Variants in BARD1 observed in about 807,000 individuals in gnomAD.
BARD1 encodes the protein BRCA1-associated RING domain protein 1.
A neutral mutation model predicts 77.0 loss-of-function variants in BARD1; 73 were observed. That is an observed-to-expected ratio of 0.95 (90% CI 0.79 to 1.15). BARD1 has a LOEUF of 1.15. BARD1 is among the 50% of genes most tolerant of loss of function. The probability of loss-of-function intolerance (pLI) is 0.00; values close to 1 mark genes in which losing one functional copy is unlikely to be tolerated. For synonymous variants in BARD1, 384 were observed against 338.0 expected, an observed-to-expected ratio of 1.14 and a Z score of -1.49; for missense variants, 993 against 938.8, an observed-to-expected ratio of 1.06 and a Z score of -0.75.
Position 214,728,864 on chromosome 2 carries a change from TCTG to T in BARD1, c.2143_2145del (p.Gln715del). The T allele has an allele frequency of 6.2e-7, 1 of 1,614,198 alleles. No individual in the cohort carries two copies. On this transcript the variant is annotated inframe_deletion, in exon 11 of 11. Transcript: ENST00000260947. ...GCATGGTATGCGACTGTATTGATGG[TCTG>T]AGTCACGTCACTGTCTGGCTTGGGC...
chr2:214,749,533 C>A (rs1693302340), intron 7 of BARD1, among the ~76,000 whole-genome samples: 1 of 152,158 alleles, frequency 6.6e-6, no homozygotes, highest in South Asian at 2.1e-4. Flanking sequence ...CTGCCACCCC[C>A]AGACTCCAAG....
intron 4 of BARD1, among the ~76,000 whole-genome samples, chr2:214,771,192 C>CAAAAATATCTAAGTCCATGAA (rs1694468236): frequency 1.3e-5 from 2 of 152,156 alleles, no homozygotes; most frequent in Non-Finnish European, 2.9e-5. Flanking sequence ...AAGTCCATGA[C>CAAAAATATCTAAGTCCATGAA]GATAAAGCAA....
intron 4 of BARD1, among the ~76,000 whole-genome samples, chr2:214,777,170 C>G (rs1359694786): frequency 2.0e-5 from 3 of 152,084 alleles, no homozygotes. Context: ...ATTTGCATTG[C>G]TTTGAATCAC....
chr2:214,783,288 A>T (rs1695125255), intron 3 of BARD1, among the ~76,000 whole-genome samples: 1 of 152,194 alleles, frequency 6.6e-6, no homozygotes, highest in South Asian at 2.1e-4. Flanking sequence ...AAGGAATTAA[A>T]GGATGGCCAG....
chr2:214,771,943 A>AAAAAAAAAAAAAATG, intron 4 of BARD1, among the ~76,000 whole-genome samples: 1 of 143,418 alleles, frequency 7.0e-6, no homozygotes, highest in African/African-American at 2.7e-5. Context: ...AAAAAAAAAA[A>AAAAAAAAAAAAAATG]GCAACATTTT....
intron 1 of BARD1, among the ~76,000 whole-genome samples, chr2:214,802,137 T>C (rs1696053492): frequency 6.6e-6 from 1 of 152,210 alleles, no homozygotes; most frequent in Admixed American, 6.5e-5. Flanking sequence ...AGCTTTATTA[T>C]CCTGCAAATG....
intron 6 of BARD1, among the ~76,000 whole-genome samples, chr2:214,760,445 G>A (rs1056548310): frequency 1.6e-4 from 24 of 152,114 alleles, no homozygotes; most frequent in Non-Finnish European, 3.1e-4. Context: ...CACCCGCCTC[G>A]GCCTCCCAAA....
chr2:214,745,627 G>A, intron 8 of BARD1, 95 bp downstream of exon 8: 2 of 1,502,206 alleles, frequency 1.3e-6, no homozygotes, highest in Admixed American at 3.3e-5. Context: ...TCTCCCAATG[G>A]TTAAAACATA....
intron 1 of BARD1, among the ~76,000 whole-genome samples, chr2:214,799,445 T>C (rs184678619): frequency 1.7e-3 from 265 of 152,344 alleles, no homozygotes; most frequent in Admixed American, 4.5e-3. Context: ...ATCTCTATGC[T>C]TCCTCATCTC....
At chr2:214,802,956 G>C (rs189263843) in intron 1 of BARD1, among the ~76,000 whole-genome samples, 2 of 152,278 alleles carry the variant, frequency 1.3e-5, no homozygotes, top group Admixed American at 1.3e-4. Flanking sequence ...AGACATAGGA[G>C]ACTCCATTTT....
intron 9 of BARD1, among the ~76,000 whole-genome samples, chr2:214,736,072 T>C (rs1203943111): frequency 6.6e-6 from 1 of 152,084 alleles, no homozygotes; most frequent in East Asian, 1.9e-4. Flanking sequence ...TTATCATAAA[T>C]GTGCTTTGAA....
chr2:214,747,346 C>T (rs1310198201), intron 7 of BARD1, among the ~76,000 whole-genome samples: 1 of 144,022 alleles, frequency 6.9e-6, no homozygotes, highest in South Asian at 2.3e-4. Context: ...CCCAGCCATC[C>T]CATTACTGGG....
chr2:214,770,568 T>C (rs1351631354), intron 4 of BARD1, among the ~76,000 whole-genome samples: 1 of 152,220 alleles, frequency 6.6e-6, no homozygotes, highest in Non-Finnish European at 1.5e-5. Flanking sequence ...CAGACAATAT[T>C]AATTCGACTT....
chr2:214,739,101 A>G (rs1361078920), intron 9 of BARD1, among the ~76,000 whole-genome samples: 1 of 152,160 alleles, frequency 6.6e-6, no homozygotes, highest in Non-Finnish European at 1.5e-5. Context: ...AAGAGCTATG[A>G]TTGCACCACT....
At chr2:214,767,762 T>C in intron 5 of BARD1, 108 bp from the exon 6 acceptor site, 1 of 1,041,510 alleles carries the variant, frequency 9.6e-7, no homozygotes, top group South Asian at 1.5e-5. Flanking sequence ...AGGCAGTAAA[T>C]TTATTGTTAC....
chr2:214,730,292 C>T (rs897346579), intron 10 of BARD1, 119 bp downstream of exon 10: 6 of 834,800 alleles, frequency 7.2e-6, no homozygotes, highest in Non-Finnish European at 1.2e-5. Context: ...TTGAAATAAG[C>T]ACAATTAAAA....
intron 6 of BARD1, among the ~76,000 whole-genome samples, chr2:214,754,263 CA>C (rs1037613447): frequency 2.2e-3 from 317 of 141,520 alleles, no homozygotes; most frequent in African/African-American, 6.6e-3. Context: ...ATATGCCATC[CA>C]AAAAAAAAAA....
chr2:214,772,536 C>T (rs556555147), intron 4 of BARD1, among the ~76,000 whole-genome samples: 73 of 152,100 alleles, frequency 4.8e-4, no homozygotes, highest in African/African-American at 1.6e-3. Context: ...CAAACAGAAA[C>T]GGAGTGACAA....
chr2:214,802,760 A>T (rs894647755), intron 1 of BARD1, among the ~76,000 whole-genome samples: 2 of 152,248 alleles, frequency 1.3e-5, no homozygotes, highest in African/African-American at 4.8e-5. Context: ...GATAGAAAAA[A>T]TCCAAACAAA....
Sources: gnomAD v4.1 joint callset for allele counts (sites outside exome capture counted in the v4.1 genomes callset) on GRCh38, gnomAD v4.1.1 for gene constraint, MANE v1.5 for transcripts, NCBI Gene and HGNC (gene_info 2026-07-23, HGNC 2026-07-21) for gene names.